The following STAT4 variants were observed in gnomAD, a reference collection of about 807,000 sequenced individuals.
The protein encoded by STAT4 is signal transducer and activator of transcription 4.
A neutral mutation model predicts 110.5 loss-of-function variants in STAT4; 42 were observed. The ratio of observed to expected loss-of-function variants is 0.38; its 90% CI spans 0.30 to 0.49. The LOEUF is 0.49. STAT4 is among the 20% of genes least tolerant of loss of function. STAT4 has a pLI of 0.95. For missense variants in STAT4, 632 were observed against 887.9 expected (o/e 0.71, Z 3.66); for synonymous variants, 284 against 302.2 (o/e 0.94, Z 0.63).
At chr2:191,041,312 T>C (rs1266892986) in intron 14 of STAT4, among the ~76,000 whole-genome samples, 164 bp from the exon 15 acceptor site, 2 of 152,176 alleles carry the variant, frequency 1.3e-5, no homozygotes, top group African/African-American at 2.4e-5. Context: ...TTAAAAGTTA[T>C]ATACAGTTTG....
At chr2:191,122,460 A>G (rs1698764597) in intron 3 of STAT4, among the ~76,000 whole-genome samples, 1 of 152,154 alleles carries the variant, frequency 6.6e-6, no homozygotes, top group Admixed American at 6.6e-5. Flanking sequence ...TCCTAAATCC[A>G]CACATCTTAA....
chr2:191,085,771 T>C (rs1420756540), intron 3 of STAT4, among the ~76,000 whole-genome samples: 1 of 152,182 alleles, frequency 6.6e-6, no homozygotes, highest in Non-Finnish European at 1.5e-5. Context: ...CAGGGAGAGC[T>C]GATGTGTTCA....
intron 16 of STAT4, among the ~76,000 whole-genome samples, chr2:191,038,845 G>C (rs1371865634): frequency 6.6e-6 from 1 of 152,160 alleles, no homozygotes; most frequent in Non-Finnish European, 1.5e-5. Flanking sequence ...AGACTGCATG[G>C]ACAAGGTGGG....
At chr2:191,103,374 T>G (rs1698194345) in intron 3 of STAT4, among the ~76,000 whole-genome samples, 1 of 152,180 alleles carries the variant, frequency 6.6e-6, no homozygotes, top group African/African-American at 2.4e-5. Flanking sequence ...TAGGCTTTAA[T>G]GCTGTGTGTG....
intron 5 of STAT4, among the ~76,000 whole-genome samples, chr2:191,072,502 G>C (rs1697193694): frequency 6.6e-6 from 1 of 151,942 alleles, no homozygotes; most frequent in African/African-American, 2.4e-5. Context: ...ATAATATATG[G>C]GACTGTTGAT....
rs951833260 is a variant in STAT4 at position 191,104,200 on chromosome 2, T to C, written c.274-27875A>G. ...GTTGCAAATCTGGATGATAGAATTATGGATAAATATTTTTTTCTTTTTGTC... is the reference window on the plus strand; with the variant it reads ...GTTGCAAATCTGGATGATAGAATTACGGATAAATATTTTTTTCTTTTTGTC... On this transcript the variant is annotated intron_variant, in intron 3 of 23. Coordinates refer to ENST00000392320, the MANE Select transcript of STAT4 (RefSeq NM_003151.4). The surrounding 1 kb of genome is among the most constrained non-coding windows in gnomAD (Gnocchi z 4.3). 1.3e-5 allele frequency among the ~76,000 whole-genome samples: 2 copies of C among 152,212 alleles called. No individual in the cohort carries two copies. The highest frequency in any genetic ancestry group is 2.9e-5 in the Non-Finnish European group (2 of 68,036).
intron 3 of STAT4, among the ~76,000 whole-genome samples, chr2:191,079,310 C>G (rs922365051): frequency 1.3e-5 from 2 of 150,034 alleles, no homozygotes; most frequent in South Asian, 2.1e-4. Flanking sequence ...TTTAGGGAGA[C>G]TTGGCATCTT....
chr2:191,088,905 C>T (rs1697711876), intron 3 of STAT4, among the ~76,000 whole-genome samples: 1 of 152,182 alleles, frequency 6.6e-6, no homozygotes, highest in Non-Finnish European at 1.5e-5. Flanking sequence ...TAGACACTGA[C>T]CTTTCACCTC....
intron 3 of STAT4, among the ~76,000 whole-genome samples, chr2:191,105,575 A>T (rs968466561): frequency 2.0e-5 from 3 of 152,234 alleles, no homozygotes; most frequent in Non-Finnish European, 4.4e-5. Context: ...CATAAAACAC[A>T]GCAAAAGCAT....
At chr2:191,092,666 G>T (rs1369327851) in intron 3 of STAT4, among the ~76,000 whole-genome samples, 1 of 152,232 alleles carries the variant, frequency 6.6e-6, no homozygotes, top group Non-Finnish European at 1.5e-5. Context: ...TTCCAATGGA[G>T]GTACCTGGTT....
Position 191,062,865 on chromosome 2 carries a change from C to G in STAT4, c.838G>C (p.Glu280Gln). The G allele has an allele frequency of 6.2e-7, 1 of 1,613,910 alleles. No homozygotes were observed. The highest frequency in any genetic ancestry group is 8.5e-7 in the Non-Finnish European group (1 of 1,179,898). ...TATGTCATTTTGGTAGATTGCTCCT[C>G]TAGTTTCTCCAATTGCCTTCTCAGT... Reference protein sequence around the residue: ...FQLRRQLEKLEEQSTKMTYEG... With the variant: ...FQLRRQLEKLQEQSTKMTYEG... Residue 280 changes from glutamate (E) to glutamine (Q), a missense_variant, in exon 9 of 24, where the codon GAG (glutamate) becomes CAG (glutamine). Physicochemically the swap from Glu to Gln is conservative, Grantham distance 29. Coordinates refer to ENST00000392320, the MANE Select transcript of STAT4 (RefSeq NM_003151.4). The surrounding 1 kb of genome is among the most constrained non-coding windows in gnomAD (Gnocchi z 4.9).
At chr2:191,111,784 C>T (rs1198626711) in intron 3 of STAT4, among the ~76,000 whole-genome samples, 2 of 152,142 alleles carry the variant, frequency 1.3e-5, no homozygotes, top group African/African-American at 4.8e-5. Context: ...TGCTTGAACC[C>T]AGGAGTTTGA....
chr2:191,131,863 C>T, intron 3 of STAT4: 3 of 1,460,540 alleles, frequency 2.1e-6, no homozygotes, highest in African/African-American at 1.5e-5. Context: ...TTCTCCATGT[C>T]GATCCAAGGG....
intron 3 of STAT4, among the ~76,000 whole-genome samples, chr2:191,145,828 G>A (rs1699447078): frequency 6.6e-6 from 1 of 152,104 alleles, no homozygotes. Context: ...AAATATTATA[G>A]CAGTCCATGG....
chr2:191,146,626 C>T lies in STAT4; in HGVS notation c.260G>A (p.Arg87Lys), dbSNP rs202184860. The T allele has an allele frequency of 9.7e-6, 15 of 1,552,470 alleles. No individual in the cohort carries two copies. The Admixed American group carries it at 2.3e-4, about 24-fold the overall frequency. ...LLLIHNLKRIRKVLQGKFHGN... is the reference protein window; with the variant it reads ...LLLIHNLKRIKKVLQGKFHGN... ...ATGCATTCTTACCTGAAGGACCTTC[C>T]TAATTCTTTTTAGATTGTGTATCAA... Residue 87 changes from arginine (R) to lysine (K), a missense_variant, in exon 3 of 24, where the codon AGG becomes AAG. Physicochemically the swap from Arg to Lys is conservative, Grantham distance 26. This residue lies in a region of STAT4 where 488 missense variants were observed against 632.8 expected (regional missense o/e 0.77). Coordinates refer to ENST00000392320, the MANE Select transcript of STAT4 (RefSeq NM_003151.4). This position sits in a 1 kb window ranked among gnomAD's most constrained non-coding sequence, Gnocchi z 4.5.
At chr2:191,105,858 A>T (rs1698264257) in intron 3 of STAT4, among the ~76,000 whole-genome samples, 1 of 152,160 alleles carries the variant, frequency 6.6e-6, no homozygotes, top group Non-Finnish European at 1.5e-5. Flanking sequence ...TAAGTATAGT[A>T]TTTAATTATC....
intron 3 of STAT4, among the ~76,000 whole-genome samples, chr2:191,095,968 C>T (rs930320978): frequency 3.3e-5 from 5 of 152,092 alleles, no homozygotes; most frequent in Non-Finnish European, 7.4e-5. Context: ...ATACAAACTA[C>T]CATCAGAGAA....
intron 13 of STAT4, among the ~76,000 whole-genome samples, chr2:191,054,958 G>A (rs1309746952): frequency 1.3e-5 from 2 of 152,102 alleles, no homozygotes; most frequent in African/African-American, 4.8e-5. Flanking sequence ...ATATAGCATA[G>A]TAAGCTATTA....
chr2:191,114,043 T>C (rs1698499284), intron 3 of STAT4, among the ~76,000 whole-genome samples: 1 of 152,206 alleles, frequency 6.6e-6, no homozygotes. Context: ...GAAGCTGCTG[T>C]TATAATTTAA....
Sources: gnomAD v4.1 joint callset for allele counts (sites outside exome capture counted in the v4.1 genomes callset) on GRCh38, gnomAD v4.1.1 for gene constraint, gnomAD v4.1.1 regional missense constraint, Gnocchi (gnomAD v3.1) non-coding constraint, MANE v1.5 for transcripts, NCBI Gene and HGNC (gene_info 2026-07-23, HGNC 2026-07-21) for gene names.